FRMD3: variants seen among roughly 807,000 people sequenced by gnomAD.
The protein encoded by FRMD3 is FERM domain-containing protein 3.
A neutral mutation model predicts 70.2 loss-of-function variants in FRMD3; 33 were observed. That is an observed-to-expected ratio of 0.47 (90% CI 0.36 to 0.63). The LOEUF is 0.63. Ranked by LOEUF, FRMD3 falls within the 20% of genes least tolerant of loss-of-function variation. The pLI, the probability that FRMD3 is intolerant of heterozygous loss-of-function variation, is 0.00. For missense variants in FRMD3, 632 were observed against 711.4 expected (o/e 0.89, Z 1.27); for synonymous variants, 279 against 255.9 (o/e 1.09, Z -0.86).
intron 13 of FRMD3, among the ~76,000 whole-genome samples, chr9:83,267,488 G>C (rs963342328): frequency 2.6e-5 from 4 of 152,018 alleles, no homozygotes; most frequent in Non-Finnish European, 4.4e-5. Context: ...GATGACAACT[G>C]GATAATTCCA....
At chr9:83,381,058 G>GA (rs1425392239) in intron 2 of FRMD3, among the ~76,000 whole-genome samples, 1 of 151,948 alleles carries the variant, frequency 6.6e-6, no homozygotes, top group Admixed American at 6.6e-5. Context: ...CTCTTCTGGG[G>GA]AAAAAAGAAT....
intron 1 of FRMD3, among the ~76,000 whole-genome samples, chr9:83,397,329 T>G (rs924346695): frequency 1.3e-5 from 2 of 152,176 alleles, no homozygotes; most frequent in South Asian, 4.1e-4. Flanking sequence ...ATCCCTAATC[T>G]GAGGCAATAA....
In FRMD3 at chr9:83,378,259, T is replaced by C. The variant is rs1289365649; in HGVS notation, c.253-5304A>G. On this transcript the variant is annotated intron_variant, in intron 2 of 13. Coordinates refer to ENST00000304195, the MANE Select transcript of FRMD3 (RefSeq NM_174938.6). ...ATGAGTCTAACTGTGTCCTTCTTTT[T>C]TGTTTTTTTTGTTTTTTTTGAGACA... Among the ~76,000 whole-genome samples, 3 of 115,742 alleles carry C rather than the reference T, an allele frequency of 2.6e-5. No individual in the cohort carries two copies. In the East Asian group the frequency reaches 6.9e-4, roughly 27 times the overall value. The allele number at this position is 115,742 out of a possible 152,430, so 75.9% of individuals were successfully genotyped here. A position where few individuals can be genotyped will look rare whatever the true frequency, so the allele number is the denominator to read the frequency against.
At chr9:83,509,714 T>G (rs1196552778) in intron 1 of FRMD3, among the ~76,000 whole-genome samples, 2 of 152,212 alleles carry the variant, frequency 1.3e-5, no homozygotes, top group Non-Finnish European at 2.9e-5. Context: ...TCTCTTGGCA[T>G]TGCTTCTTAC....
chr9:83,451,567 T>C (rs1827658571), intron 1 of FRMD3, among the ~76,000 whole-genome samples: 1 of 152,210 alleles, frequency 6.6e-6, no homozygotes, highest in African/African-American at 2.4e-5. Context: ...ACAGGGATGC[T>C]GGCATGAATT....
chr9:83,252,595 C>T (rs118019637), intron 13 of FRMD3, among the ~76,000 whole-genome samples: 309 of 152,244 alleles, frequency 2.0e-3, no homozygotes, highest in Non-Finnish European at 3.7e-3. Flanking sequence ...AGAGCCAAGA[C>T]CCATCAATAT....
chr9:83,299,253 G>A (rs1834803832), intron 10 of FRMD3, 67 bp from the exon 11 acceptor site: 2 of 942,112 alleles, frequency 2.1e-6, no homozygotes, highest in Non-Finnish European at 3.3e-6. Context: ...TGCTATAGAG[G>A]TGTGGTGATG....
intron 1 of FRMD3, among the ~76,000 whole-genome samples, chr9:83,522,066 G>C (rs928989562): frequency 3.9e-5 from 6 of 152,172 alleles, no homozygotes; most frequent in African/African-American, 1.4e-4. Flanking sequence ...AAGGAAGGGG[G>C]TGTGGGACGT....
chr9:83,449,072 G>A (rs892992797), intron 1 of FRMD3, among the ~76,000 whole-genome samples: 4 of 152,162 alleles, frequency 2.6e-5, no homozygotes, highest in Middle Eastern at 3.2e-3. Context: ...AGCATTCACG[G>A]AGGGGATGTC....
At chr9:83,374,097 C>G (rs1027605622) in intron 2 of FRMD3, among the ~76,000 whole-genome samples, 10 of 152,194 alleles carry the variant, frequency 6.6e-5, no homozygotes, top group South Asian at 2.1e-4. Flanking sequence ...GGATGTTAAA[C>G]AGCTTGACTA....
intron 2 of FRMD3, among the ~76,000 whole-genome samples, chr9:83,381,996 A>C (rs1466837637): frequency 2.0e-5 from 3 of 152,186 alleles, no homozygotes; most frequent in Non-Finnish European, 4.4e-5. Context: ...CCCTACTCCC[A>C]AGAAATCTTT....
In FRMD3 at chr9:83,312,955, A is replaced by G. The variant is rs1835420300; in HGVS notation, c.684+705T>C. Among the ~76,000 whole-genome samples the G allele has an allele frequency of 2.0e-5, 3 of 152,206 alleles. 1 individual carries two copies. The South Asian group carries it at 6.2e-4, about 31-fold the overall frequency. Reference sequence around the variant, plus strand: ...AAGAAATTTGCCACTAAAACTCCAAAACTTATACTTAAGAGCCTAACTGAT... The same window carrying G: ...AAGAAATTTGCCACTAAAACTCCAAGACTTATACTTAAGAGCCTAACTGAT... On this transcript the variant is annotated intron_variant, in intron 7 of 13. Transcript: ENST00000304195.
intron 13 of FRMD3, among the ~76,000 whole-genome samples, chr9:83,271,358 T>G (rs1383903399): frequency 6.6e-6 from 1 of 152,198 alleles, no homozygotes; most frequent in Non-Finnish European, 1.5e-5. Flanking sequence ...AAAAGAGTCC[T>G]TGGGACTAAC....
chr9:83,556,166 T>C, the FRMD3 span, among the ~76,000 whole-genome samples: 1 of 151,952 alleles, frequency 6.6e-6, no homozygotes, highest in Admixed American at 6.6e-5. Flanking sequence ...ATTTCTTTGT[T>C]CCCTCTCCAC....
the FRMD3 span, among the ~76,000 whole-genome samples, chr9:83,544,160 G>T: frequency 3.9e-5 from 6 of 152,210 alleles, no homozygotes; most frequent in Admixed American, 6.5e-5. Context: ...TTTCAGCAGA[G>T]AGCCACAGGA....
At chr9:83,488,535 A>G (rs562861826) in intron 1 of FRMD3, among the ~76,000 whole-genome samples, 1 of 152,358 alleles carries the variant, frequency 6.6e-6, no homozygotes, top group East Asian at 1.9e-4. Context: ...AATGCCTACA[A>G]TATAGAAAAG....
chr9:83,421,939 G>C (rs1826656294), intron 1 of FRMD3, among the ~76,000 whole-genome samples: 1 of 152,088 alleles, frequency 6.6e-6, no homozygotes, highest in East Asian at 1.9e-4. Context: ...CAATTTTAGG[G>C]GCCAGCCAGG....
In FRMD3 at chr9:83,343,272, A is replaced by G. The variant is rs1290069081; in HGVS notation, c.390T>C (p.Leu130=). The change falls in exon 5 of 14, where the codon CTT becomes CTC. Residue 130 remains leucine (L), a synonymous_variant. Transcript: ENST00000304195. ...CATGAAAAATGTCCCTTTTAATCTG[A>G]AGGTATAAAAGGTATCTGCAATACA... The part of the protein sequence containing the change: ...KEELTRYLLY[L]QIKRDIFHGR... 1.2e-6 allele frequency: 2 copies of G among 1,609,254 alleles called. No individual in the cohort carries two copies. The highest frequency in any genetic ancestry group is 1.7e-6 in the Non-Finnish European group (2 of 1,175,584).
chr9:83,299,276 T>A, intron 10 of FRMD3, 90 bp from the exon 11 acceptor site: 1 of 736,920 alleles, frequency 1.4e-6, no homozygotes, highest in African/African-American at 1.8e-5. Context: ...GTATTTTTAC[T>A]GCAAGAAAGA....
Sources: allele counts gnomAD v4.1 joint callset (sites outside exome capture counted in the v4.1 genomes callset), GRCh38; gene constraint gnomAD v4.1.1; transcripts MANE v1.5; gene names NCBI Gene and HGNC (gene_info 2026-07-23, HGNC 2026-07-21).